Variants in SMARCAD1 observed in about 807,000 individuals in gnomAD.
SMARCAD1 encodes SNF2 related chromatin remodeling ATPase with DExD box 1, also known as SWI/SNF-related matrix-associated actin-dependent regulator of chromatin subfamily A containing DEAD/H box 1.
SMARCAD1 carries 25 observed loss-of-function variants against 127.1 expected under a neutral mutation model. That is an observed-to-expected ratio of 0.20 (90% confidence interval 0.14 to 0.27). The LOEUF (loss-of-function observed/expected upper bound fraction) is 0.27. Ranked by LOEUF, SMARCAD1 falls within the 10% of genes least tolerant of loss-of-function variation. The pLI is 1.00. For missense variants in SMARCAD1, 807 were observed against 1,206.0 expected (o/e 0.67, Z 4.90); for synonymous variants, 400 against 396.9 (o/e 1.01, Z -0.09).
At position 94,208,649 on chromosome 4, in the gene SMARCAD1, G is replaced by A. The variant is rs549386885; in HGVS notation, c.190+65G>A. ...GTTTTTAAAAGATGAAAGGCAGAAG[G>A]GATTCTCATTTTTATTCTTGATGTC... On this transcript the variant is annotated intron_variant, in intron 2 of 23. Transcript: ENST00000354268. The A allele has an allele frequency of 1.4e-3, 2,037 of 1,446,742 alleles. 48 individuals are homozygous for A. The South Asian group carries it at 0.022, about 16-fold the overall frequency. The allele number at this position is 1,446,742 out of a possible 1,614,324, so 89.6% of individuals were successfully genotyped here.
chr4:94,283,413 A>C, intron 22 of SMARCAD1, 110 bp downstream of exon 22: 1 of 974,652 alleles, frequency 1.0e-6, no homozygotes, highest in Non-Finnish European at 1.6e-6. Context: ...TTTTCGGCAA[A>C]GCATGGCTAC....
At chr4:94,249,519 CAAAA>C in intron 6 of SMARCAD1, 131 bp from the exon 7 acceptor site, 2 of 636,460 alleles carry the variant, frequency 3.1e-6, no homozygotes, top group South Asian at 1.9e-5. Flanking sequence ...TTCACAGAAA[CAAAA>C]AGAAACAGTT....
At chr4:94,284,830 A>C (rs1754702799) in intron 22 of SMARCAD1, 130 bp from the exon 23 acceptor site, 2 of 648,200 alleles carry the variant, frequency 3.1e-6, no homozygotes, top group Non-Finnish European at 5.4e-6. Context: ...CAAGTGGCTT[A>C]AATAAAAGAA....
At chr4:94,277,709 G>T (rs768265911) in intron 16 of SMARCAD1, among the ~76,000 whole-genome samples, 1 of 152,090 alleles carries the variant, frequency 6.6e-6, no homozygotes, top group Non-Finnish European at 1.5e-5. Flanking sequence ...TTTCAATACC[G>T]CAGTGTTTAC....
chr4:94,250,130 A>G (rs999562837), intron 7 of SMARCAD1, among the ~76,000 whole-genome samples: 20 of 151,830 alleles, frequency 1.3e-4, no homozygotes, highest in Admixed American at 3.3e-4. Flanking sequence ...ATTCCATTTC[A>G]GTGTCTTAAT....
At chr4:94,233,731 C>T (rs912404876) in intron 3 of SMARCAD1, among the ~76,000 whole-genome samples, 1 of 152,044 alleles carries the variant, frequency 6.6e-6, no homozygotes, top group Admixed American at 6.6e-5. Flanking sequence ...CATCCCAGCT[C>T]AGGGTTGAGA....
intron 2 of SMARCAD1, among the ~76,000 whole-genome samples, chr4:94,223,723 A>G (rs543020073): frequency 8.5e-6 from 1 of 117,796 alleles, no homozygotes; most frequent in African/African-American, 3.4e-5. Flanking sequence ...GTGCACCACC[A>G]CTCCCGGCTA....
chr4:94,276,805 C>A (rs566560379), intron 15 of SMARCAD1, among the ~76,000 whole-genome samples: 2 of 152,162 alleles, frequency 1.3e-5, no homozygotes, highest in South Asian at 4.1e-4. Context: ...CACAAGTTAC[C>A]TACTTATAAA....
chr4:94,262,889 TAAAAAAA>T (rs368026206), intron 9 of SMARCAD1, among the ~76,000 whole-genome samples: 1 of 87,428 alleles, frequency 1.1e-5, no homozygotes, highest in Non-Finnish European at 2.6e-5. Flanking sequence ...TAATTTCTGT[TAAAAAAA>T]AAAAAAAAAA....
chr4:94,285,124 AT>A, intron 23 of SMARCAD1, 55 bp downstream of exon 23: 1 of 1,160,952 alleles, frequency 8.6e-7, no homozygotes. Context: ...CATGCATCTA[AT>A]TAGTCAGTGC....
chr4:94,223,734 ATTTTTTTTTTT>A (rs944591007), intron 2 of SMARCAD1, among the ~76,000 whole-genome samples: 2 of 100,156 alleles, frequency 2.0e-5, no homozygotes, highest in Non-Finnish European at 4.0e-5. Context: ...CTCCCGGCTA[ATTTTTTTTTTT>A]TTTTTTTTTT....
chr4:94,223,935 A>G (rs149369347), intron 2 of SMARCAD1, among the ~76,000 whole-genome samples: 20 of 152,056 alleles, frequency 1.3e-4, no homozygotes, highest in Admixed American at 1.1e-3. Flanking sequence ...AAAGTGTTCA[A>G]TTGACAGGCA....
rs776670139 is a variant in SMARCAD1 at position 94,290,704 on chromosome 4, TGTCA to T, written c.*1174_*1177del. 109 of 444,096 alleles carry T rather than the reference TGTCA, an allele frequency of 2.5e-4. No individual in the cohort carries two copies. The Middle Eastern group carries it at 3.5e-3, about 14-fold the overall frequency. 27.5% of individuals were successfully genotyped at this position (444,096 alleles called of 1,614,324 possible). ...TTAAATCTTTCTTTAAATTTCTGCC[TGTCA>T]GTCTATATTGCTGTTTTTATTATAC... On this transcript the variant is annotated 3_prime_UTR_variant, in exon 24 of 24. Coordinates refer to ENST00000354268, the MANE Select transcript of SMARCAD1 (RefSeq NM_020159.5).
chr4:94,244,283 C>G (rs1278788443), intron 6 of SMARCAD1, among the ~76,000 whole-genome samples: 3 of 152,176 alleles, frequency 2.0e-5, no homozygotes, highest in African/African-American at 7.2e-5. Flanking sequence ...TTAATGATTT[C>G]AAACAGTGCT....
intron 21 of SMARCAD1, 48 bp downstream of exon 21, chr4:94,281,638 A>G (rs769418111): frequency 1.7e-6 from 2 of 1,179,088 alleles, no homozygotes; most frequent in Non-Finnish European, 2.5e-6. Flanking sequence ...ATTTATTATT[A>G]TTGTTAGGAT....
intron 2 of SMARCAD1, among the ~76,000 whole-genome samples, chr4:94,214,913 CTA>C (rs2125796741): frequency 6.6e-6 from 1 of 151,940 alleles, no homozygotes; most frequent in South Asian, 2.1e-4. Context: ...ATTTTTAAAA[CTA>C]TACCAGTCGT....
At chr4:94,216,156 T>C (rs1743141559) in intron 2 of SMARCAD1, among the ~76,000 whole-genome samples, 1 of 152,166 alleles carries the variant, frequency 6.6e-6, no homozygotes, top group Non-Finnish European at 1.5e-5. Flanking sequence ...GCCTCTTTTA[T>C]AAGGGCACTA....
intron 6 of SMARCAD1, among the ~76,000 whole-genome samples, chr4:94,241,258 T>A (rs1234693735): frequency 6.6e-6 from 1 of 152,250 alleles, no homozygotes; most frequent in Non-Finnish European, 1.5e-5. Context: ...TGAATCATTC[T>A]TTCTTTTCTT....
intron 23 of SMARCAD1, among the ~76,000 whole-genome samples, chr4:94,286,903 C>T (rs554729407): frequency 1.2e-3 from 175 of 152,104 alleles, no homozygotes; most frequent in African/African-American, 3.9e-3. Flanking sequence ...CTTGCTCTGT[C>T]GCCCAGACTG....
Sources: allele counts gnomAD v4.1 joint callset (sites outside exome capture counted in the v4.1 genomes callset), GRCh38; gene constraint gnomAD v4.1.1; transcripts MANE v1.5; gene names NCBI Gene and HGNC (gene_info 2026-07-23, HGNC 2026-07-21).